The following DLG5 variants were observed in gnomAD, a reference collection of about 807,000 sequenced individuals.
The protein encoded by DLG5 is discs large MAGUK scaffold protein 5.
A neutral mutation model predicts 189.8 loss-of-function variants in DLG5; 48 were observed. The observed-to-expected ratio is 0.25, with a 90% CI of 0.20 to 0.32. The LOEUF (loss-of-function observed/expected upper bound fraction) is 0.32, where lower values mean the gene tolerates loss of function less well. Among genes scored for constraint, DLG5 ranks in the 10% least tolerant of loss-of-function variants. The probability of loss-of-function intolerance (pLI) is 1.00; values close to 1 mark genes in which losing one functional copy is unlikely to be tolerated. For synonymous variants in DLG5, 1,016 were observed against 1,054.1 expected, an observed-to-expected ratio of 0.96 and a Z score of 0.70; for missense variants, 2,160 against 2,544.7, an observed-to-expected ratio of 0.85 and a Z score of 3.25.
Position 77,811,215 on chromosome 10 carries a change from C to T in DLG5, c.4342G>A (p.Gly1448Ser), listed in dbSNP as rs779352215. ...SRSSSHLDPA[G>S]THSTLQGSGT... The stretch of plus-strand genomic sequence containing the variant: ...CTGCCCTGGAGAGTGGAGTGGGTAC[C>T]GGCAGGGTCCAGGTGTGAGCTGGAG... Residue 1448 changes from glycine to serine, a missense_variant, in exon 23 of 32, where the codon GGT becomes AGT. Transcript: ENST00000372391. The T allele has an allele frequency of 3.9e-5, 63 of 1,612,946 alleles. No individual in the cohort carries two copies. The highest frequency in any genetic ancestry group is 6.7e-5 in the East Asian group (3 of 44,834).
chr10:77,876,576 G>T (rs1248095144), intron 1 of DLG5, among the ~76,000 whole-genome samples: 4 of 151,534 alleles, frequency 2.6e-5, no homozygotes, highest in African/African-American at 4.9e-5. Context: ...GTTTCACCAC[G>T]TTGGCCAGGC....
chr10:77,934,511 G>A, the DLG5 span, among the ~76,000 whole-genome samples: 10 of 152,192 alleles, frequency 6.6e-5, no homozygotes, highest in Admixed American at 1.3e-4. Context: ...CCTGGAGGCA[G>A]TAGAAAGGGA....
intron 24 of DLG5, 154 bp from the exon 25 acceptor site, chr10:77,808,098 T>C: frequency 1.1e-6 from 1 of 925,816 alleles, no homozygotes; most frequent in South Asian, 1.7e-5. Context: ...GACTGAGTCT[T>C]CATGGTCTCC....
At chr10:77,921,639 G>A (rs1047302464) in intron 1 of DLG5, among the ~76,000 whole-genome samples, 3 of 152,102 alleles carry the variant, frequency 2.0e-5, no homozygotes, top group African/African-American at 4.8e-5. Context: ...CAGCCTGTGC[G>A]GTCCAGCCTA....
chr10:77,869,018 T>C, intron 2 of DLG5, 111 bp downstream of exon 2: 5 of 835,768 alleles, frequency 6.0e-6, no homozygotes, highest in Non-Finnish European at 9.9e-6. Flanking sequence ...GATGATCCTG[T>C]GAGTAATCTG....
chr10:77,820,122 G>T, intron 15 of DLG5, 104 bp from the exon 16 acceptor site: 3 of 1,505,404 alleles, frequency 2.0e-6, no homozygotes, highest in Admixed American at 2.0e-5. Context: ...GAGGCGGGCA[G>T]ATCACCTAAG....
intron 1 of DLG5, among the ~76,000 whole-genome samples, chr10:77,874,095 C>A (rs938272257): frequency 6.6e-6 from 1 of 152,266 alleles, no homozygotes; most frequent in Non-Finnish European, 1.5e-5. Flanking sequence ...ACGTGCCCCC[C>A]GCCTAGCATG....
intron 6 of DLG5, 80 bp from the exon 7 acceptor site, chr10:77,842,273 A>G: frequency 6.6e-7 from 1 of 1,511,446 alleles, no homozygotes; most frequent in Non-Finnish European, 8.9e-7. Context: ...GCCTCCCGCC[A>G]GCTCTACTGT....
intron 1 of DLG5, among the ~76,000 whole-genome samples, chr10:77,904,554 G>A (rs1211150517): frequency 1.3e-5 from 2 of 152,026 alleles, no homozygotes; most frequent in African/African-American, 2.4e-5. Flanking sequence ...TTACGGGGAG[G>A]TAACTGAATC....
chr10:77,815,164 T>C (rs918472300), intron 20 of DLG5, among the ~76,000 whole-genome samples: 1 of 152,160 alleles, frequency 6.6e-6, no homozygotes, highest in Non-Finnish European at 1.5e-5. Context: ...GGTCCCGTCC[T>C]CTCTGTGGCC....
intron 1 of DLG5, among the ~76,000 whole-genome samples, chr10:77,912,721 C>G (rs917662872): frequency 6.6e-6 from 1 of 152,140 alleles, no homozygotes; most frequent in African/African-American, 2.4e-5. Context: ...AAGAGGAAAC[C>G]TACAAAGGAA....
rs771108255 is a variant in DLG5, at chr10:77,807,894, C to T, written c.4698G>A (p.Glu1566=). ...RNKTVEEVYV[E]MLKPRDGVRL... is the part of the protein sequence containing the mutation. The stretch of plus-strand genomic sequence containing the variant: ...GGACGCCATCCCTGGGCTTCAGCAT[C>T]TCCACATAGACTTCCTCCACTGTCT... Residue 1566 remains glutamate, a synonymous_variant, in exon 25 of 32, where the codon GAG becomes GAA. Coordinates refer to ENST00000372391, the MANE Select transcript of DLG5 (RefSeq NM_004747.4). 4 of 1,614,228 alleles carry T rather than the reference C, an allele frequency of 2.5e-6. No homozygotes were observed. The highest frequency in any genetic ancestry group is 3.4e-6 in the Non-Finnish European group (4 of 1,180,038).
At chr10:77,823,304 G>T (rs1406284903) in intron 14 of DLG5, among the ~76,000 whole-genome samples, 2 of 152,030 alleles carry the variant, frequency 1.3e-5, no homozygotes, top group African/African-American at 2.4e-5. Flanking sequence ...TAGAAAGTTA[G>T]AAAAAATAGG....
chr10:77,806,733 C>CCCCCCCCCCCCCCCCCG, intron 26 of DLG5, 25 bp downstream of exon 26: 1 of 1,574,956 alleles, frequency 6.3e-7, no homozygotes, highest in Non-Finnish European at 8.7e-7. Context: ...TGCCCCACCC[C>CCCCCCCCCCCCCCCCCG]ACCCCAGGCC....
intron 21 of DLG5, 57 bp downstream of exon 21, chr10:77,812,157 GA>G: frequency 4.4e-6 from 7 of 1,597,366 alleles, no homozygotes; most frequent in Non-Finnish European, 6.0e-6. Flanking sequence ...AGGAGGAGGA[GA>G]GGGGGAAGAA....
At chr10:77,836,246 T>G (rs981754937) in intron 7 of DLG5, among the ~76,000 whole-genome samples, 1 of 152,264 alleles carries the variant, frequency 6.6e-6, no homozygotes, top group African/African-American at 2.4e-5. Flanking sequence ...TCCAAAGCAT[T>G]TGCATCTTGA....
Position 77,926,251 on chromosome 10 carries a change from G to T in DLG5, c.270C>A (p.Gly90=). 1 of 1,539,936 alleles carries T rather than the reference G, an allele frequency of 6.5e-7. No homozygotes were observed. The highest frequency in any genetic ancestry group is 1.2e-5 in the South Asian group (1 of 81,704). The change falls in exon 1 of 32, where the codon GGC becomes GGA. Residue 90 remains glycine (G), a synonymous_variant. Transcript: ENST00000372391. The surrounding 1 kb of genome is among the most constrained non-coding windows in gnomAD (Gnocchi z 5.2). ...PHLLPILYLN[G]VVGPPQPAEG... ...CGGCGGGCTGCGGCGGCCCGACGACGCCGTTCAGGTAGAGAATGGGCAGCA... is the reference window on the plus strand; with the variant it reads ...CGGCGGGCTGCGGCGGCCCGACGACTCCGTTCAGGTAGAGAATGGGCAGCA...
chr10:77,878,042 G>A (rs1266059542), intron 1 of DLG5, among the ~76,000 whole-genome samples: 2 of 152,232 alleles, frequency 1.3e-5, no homozygotes, highest in Non-Finnish European at 2.9e-5. Context: ...CAGGCAGGAA[G>A]CAGCTCTCTG....
intron 1 of DLG5, among the ~76,000 whole-genome samples, chr10:77,875,340 C>T (rs1457997613): frequency 6.6e-6 from 1 of 152,176 alleles, no homozygotes; most frequent in Non-Finnish European, 1.5e-5. Flanking sequence ...CAGGCGGAAC[C>T]CATTTCTCTG....
Sources: allele counts gnomAD v4.1 joint callset (sites outside exome capture counted in the v4.1 genomes callset), GRCh38; gene constraint gnomAD v4.1.1; non-coding constraint Gnocchi (gnomAD v3.1); transcripts MANE v1.5; gene names NCBI Gene and HGNC (gene_info 2026-07-23, HGNC 2026-07-21).